ANXA4: variants seen among roughly 807,000 people sequenced by gnomAD.
ANXA4 encodes the protein 35-beta calcimedin.
Under a neutral mutation model 49.8 loss-of-function variants are expected in ANXA4, and 39 were observed. The observed-to-expected ratio is 0.78, with a 90% confidence interval of 0.61 to 1.02. The LOEUF (loss-of-function observed/expected upper bound fraction) is 1.02. Among genes scored for constraint, ANXA4 ranks in the 50% least tolerant of loss-of-function variants. ANXA4 has a pLI of 0.00. For missense variants in ANXA4, 360 were observed against 410.1 expected, an observed-to-expected ratio of 0.88 and a Z score of 1.05; for synonymous variants, 134 against 152.5, an observed-to-expected ratio of 0.88 and a Z score of 0.89.
chr2:69,752,850 C>T (rs1217214712), intron 1 of ANXA4, among the ~76,000 whole-genome samples: 11 of 152,240 alleles, frequency 7.2e-5, no homozygotes, highest in Non-Finnish European at 1.5e-4. Flanking sequence ...GTAGCTCTTG[C>T]TCCGTTCATG....
intron 2 of ANXA4, among the ~76,000 whole-genome samples, chr2:69,699,416 G>A (rs924554385): frequency 7.2e-5 from 11 of 152,238 alleles, no homozygotes; most frequent in Admixed American, 5.2e-4. Context: ...GAGGTGGGAG[G>A]ATCACTTGAG....
chr2:69,808,385 G>A (rs1158229874), intron 6 of ANXA4: 1 of 182,584 alleles, frequency 5.5e-6, no homozygotes, highest in South Asian at 1.1e-4. Flanking sequence ...TGGACTGTAC[G>A]TCCTCCAGCC....
chr2:69,664,347 G>T (rs560210838), intron 2 of ANXA4, among the ~76,000 whole-genome samples: 20 of 152,218 alleles, frequency 1.3e-4, no homozygotes, highest in East Asian at 5.8e-4. Flanking sequence ...TTGTGTGTGT[G>T]TTTTTTTAAA....
At chr2:69,760,095 G>A (rs1671220342) in intron 1 of ANXA4, among the ~76,000 whole-genome samples, 1 of 152,048 alleles carries the variant, frequency 6.6e-6, no homozygotes, top group Admixed American at 6.6e-5. Flanking sequence ...GCCTCCCAAA[G>A]TGCTGGGATT....
intron 3 of ANXA4, among the ~76,000 whole-genome samples, chr2:69,790,192 C>G (rs1672622201): frequency 6.6e-6 from 1 of 152,158 alleles, no homozygotes. Context: ...TCACTTTACC[C>G]TAAATGTCTA....
chr2:69,803,941 C>A (rs990582401), intron 3 of ANXA4, among the ~76,000 whole-genome samples: 1 of 152,006 alleles, frequency 6.6e-6, no homozygotes, highest in Non-Finnish European at 1.5e-5. Context: ...AGCTCAAGAC[C>A]AGCCTGGTCA....
intron 12 of ANXA4, 68 bp downstream of exon 12, chr2:69,820,889 G>T: frequency 6.6e-7 from 1 of 1,517,300 alleles, no homozygotes. Flanking sequence ...TTGGCATTTA[G>T]CACTTGTTGT....
At chr2:69,740,115 A>T (rs1670345643), upstream of ANXA4, among the ~76,000 whole-genome samples, 1 of 152,198 alleles carries the variant, frequency 6.6e-6, no homozygotes, top group African/African-American at 2.4e-5. Context: ...GGCTGGATGC[A>T]CCCACCTAGT....
At chr2:69,668,368 T>C (rs1055206036) in intron 2 of ANXA4, among the ~76,000 whole-genome samples, 4 of 152,078 alleles carry the variant, frequency 2.6e-5, no homozygotes, top group African/African-American at 9.7e-5. Flanking sequence ...TCCCAGCACT[T>C]TAGGAGGCTG....
At chr2:69,691,735 C>T (rs1295069457) in intron 2 of ANXA4, among the ~76,000 whole-genome samples, 1 of 152,170 alleles carries the variant, frequency 6.6e-6, no homozygotes, top group Admixed American at 6.5e-5. Flanking sequence ...TCTGAGCAGC[C>T]CAGACCTCAC....
intron 1 of ANXA4, among the ~76,000 whole-genome samples, chr2:69,757,262 ATATATTTTTTT>A (rs1308414945): frequency 2.1e-3 from 107 of 50,224 alleles, no homozygotes; most frequent in African/African-American, 0.01. Flanking sequence ...ATATATATAT[ATATATTTTTTT>A]TTTTTTTTTT....
At chr2:69,716,853 A>G (rs1669653776) in intron 2 of ANXA4, among the ~76,000 whole-genome samples, 1 of 152,244 alleles carries the variant, frequency 6.6e-6, no homozygotes, top group Non-Finnish European at 1.5e-5. Context: ...CAGTAGGTTT[A>G]CTAAAAGAGA....
At chr2:69,701,794 G>A (rs1678336883) in intron 2 of ANXA4, among the ~76,000 whole-genome samples, 3 of 148,438 alleles carry the variant, frequency 2.0e-5, no homozygotes, top group South Asian at 2.1e-4. Flanking sequence ...GCTGGTCACC[G>A]TTTCACAGAT....
intron 9 of ANXA4, chr2:69,818,257 G>A (rs187742191): frequency 5.5e-5 from 9 of 163,202 alleles, no homozygotes; most frequent in African/African-American, 7.1e-5. Flanking sequence ...TGATTGCCAA[G>A]GACAAAAACA....
At chr2:69,820,602 C>T in intron 11 of ANXA4, 97 bp from the exon 12 acceptor site, 1 of 1,444,322 alleles carries the variant, frequency 6.9e-7, no homozygotes, top group Non-Finnish European at 9.5e-7. Flanking sequence ...AGGACATCGT[C>T]AGCACAGTCA....
At chr2:69,700,344 A>T (rs1678292754) in intron 2 of ANXA4, 1 of 152,160 alleles carries the variant, frequency 6.6e-6, no homozygotes, top group Admixed American at 6.6e-5. Flanking sequence ...GCACCACTGC[A>T]CTCCAGCTTG....
chr2:69,704,556 C>T (rs1041743569), intron 2 of ANXA4, among the ~76,000 whole-genome samples: 2 of 152,198 alleles, frequency 1.3e-5, no homozygotes, highest in Non-Finnish European at 2.9e-5. Context: ...GGTTCTGTGT[C>T]AGCTGGAGCA....
intron 2 of ANXA4, among the ~76,000 whole-genome samples, chr2:69,785,786 C>G (rs1478194345): frequency 6.6e-6 from 1 of 152,104 alleles, no homozygotes; most frequent in Non-Finnish European, 1.5e-5. Context: ...CTTCTTAGAC[C>G]AAGCGCCAAC....
At chr2:69,668,536 A>C (rs921793085) in intron 2 of ANXA4, among the ~76,000 whole-genome samples, 2 of 152,202 alleles carry the variant, frequency 1.3e-5, no homozygotes, top group African/African-American at 4.8e-5. Flanking sequence ...TTCTCTCTAC[A>C]TTTGTGTATA....
Sources: gnomAD v4.1 joint callset for allele counts (sites outside exome capture counted in the v4.1 genomes callset) on GRCh38, gnomAD v4.1.1 for gene constraint, MANE v1.5 for transcripts, NCBI Gene and HGNC (gene_info 2026-07-23, HGNC 2026-07-21) for gene names.